LPP: variants seen among roughly 807,000 people sequenced by gnomAD.
LPP encodes LIM domain containing preferred translocation partner in lipoma, also known as lipoma-preferred partner.
Under a neutral mutation model 60.4 loss-of-function variants are expected in LPP, and 38 were observed. That is an observed-to-expected ratio of 0.63 (90% CI 0.49 to 0.83). The LOEUF (loss-of-function observed/expected upper bound fraction) is 0.83. Ranked by LOEUF, LPP falls within the 40% of genes least tolerant of loss-of-function variation. LPP has a pLI of 0.00. For synonymous variants in LPP, 328 were observed against 290.8 expected, an observed-to-expected ratio of 1.13 and a Z score of -1.30; for missense variants, 902 against 783.6, an observed-to-expected ratio of 1.15 and a Z score of -1.80.
intron 6 of LPP, among the ~76,000 whole-genome samples, chr3:188,551,748 T>C (rs1828190639): frequency 6.6e-6 from 1 of 152,200 alleles, no homozygotes; most frequent in Non-Finnish European, 1.5e-5. Context: ...ACGAGTCACT[T>C]TCTGCCATAG....
chr3:188,395,455 C>A (rs1003693323), intron 3 of LPP, among the ~76,000 whole-genome samples: 3 of 151,810 alleles, frequency 2.0e-5, no homozygotes, highest in Non-Finnish European at 2.9e-5. Flanking sequence ...AGGCTGATCT[C>A]GAACTCCAGG....
chr3:188,178,948 G>A, intron 1 of LPP: 1 of 264,836 alleles, frequency 3.8e-6, no homozygotes, highest in Non-Finnish European at 7.6e-6. Context: ...GGTATATTAG[G>A]CCAGAGGTGG....
Position 188,757,889 on chromosome 3 carries a change from G to GTTTTTTTTTTTTTTTT in LPP, c.1241-2219_1241-2204dup, listed in dbSNP as rs750488243. On this transcript the variant is annotated intron_variant, in intron 8 of 11. Transcript: ENST00000617246. ...TTTTTTTTGTGGTTTTGTTTTTTTG[G>GTTTTTTTTTTTTTTTT]TTTTTTTTTTTTTTTTTTTTCAGAA... Among the ~76,000 whole-genome samples, 67 of 78,700 alleles carry GTTTTTTTTTTTTTTTT rather than the reference G, an allele frequency of 8.5e-4. 2 individuals are homozygous for GTTTTTTTTTTTTTTTT. The highest frequency in any genetic ancestry group is 1.1e-3 in the Non-Finnish European group (49 of 43,020). The allele number at this position is 78,700 out of a possible 152,430, so 51.6% of individuals were successfully genotyped here.
intron 3 of LPP, among the ~76,000 whole-genome samples, chr3:188,383,988 A>G (rs1777542178): frequency 6.6e-6 from 1 of 152,154 alleles, no homozygotes; most frequent in South Asian, 2.1e-4. Context: ...ATCAGACCAC[A>G]TTTGTTTTAC....
chr3:188,307,051 A>T (rs958353055), intron 2 of LPP, among the ~76,000 whole-genome samples: 2 of 152,264 alleles, frequency 1.3e-5, no homozygotes, highest in African/African-American at 4.8e-5. Flanking sequence ...ACAGTAAATG[A>T]TGGCAAAACT....
intron 7 of LPP, among the ~76,000 whole-genome samples, chr3:188,616,024 C>A (rs1336633522): frequency 2.0e-5 from 3 of 152,054 alleles, no homozygotes; most frequent in Non-Finnish European, 4.4e-5. Flanking sequence ...AATTTTCTCC[C>A]ATTCTGTAGG....
chr3:188,773,350 G>T (rs974427592), intron 9 of LPP, among the ~76,000 whole-genome samples: 3 of 125,268 alleles, frequency 2.4e-5, no homozygotes, highest in African/African-American at 8.4e-5. Flanking sequence ...GTATTATGTA[G>T]GTCTTCAAAG....
intron 8 of LPP, among the ~76,000 whole-genome samples, chr3:188,753,243 C>G (rs1728669071): frequency 6.6e-6 from 1 of 152,152 alleles, no homozygotes; most frequent in South Asian, 2.1e-4. Context: ...ATGTGAAATG[C>G]TTAGGACAGT....
chr3:188,454,020 A>C (rs6444292), intron 4 of LPP, among the ~76,000 whole-genome samples: 146,022 of 152,330 alleles, frequency 0.96, 70,290 homozygotes, highest in East Asian at 1. Flanking sequence ...ATGTTTTTGA[A>C]TACTTAGCAT....
At chr3:188,261,871 G>A (rs986306907) in intron 2 of LPP, among the ~76,000 whole-genome samples, 2 of 152,136 alleles carry the variant, frequency 1.3e-5, no homozygotes, top group African/African-American at 2.4e-5. Context: ...GAGCTAGAAC[G>A]GTGCCATTGC....
intron 4 of LPP, among the ~76,000 whole-genome samples, chr3:188,409,484 C>G (rs903713791): frequency 1.3e-4 from 20 of 152,196 alleles, no homozygotes; most frequent in Non-Finnish European, 2.8e-4. Flanking sequence ...TCAGTGCATT[C>G]TGTTACTCTG....
At chr3:188,396,011 G>A (rs950643707) in intron 3 of LPP, among the ~76,000 whole-genome samples, 3 of 152,112 alleles carry the variant, frequency 2.0e-5, no homozygotes, top group Admixed American at 1.3e-4. Context: ...ATTTATAGTA[G>A]TTCTGATGTA....
chr3:188,551,279 A>C (rs1366450700), intron 6 of LPP, among the ~76,000 whole-genome samples: 2 of 152,278 alleles, frequency 1.3e-5, no homozygotes, highest in East Asian at 3.9e-4. Context: ...AAACCATCAG[A>C]TCTCATAAGA....
intron 4 of LPP, among the ~76,000 whole-genome samples, chr3:188,474,325 A>G (rs1802598416): frequency 6.8e-6 from 1 of 146,258 alleles, no homozygotes; most frequent in Non-Finnish European, 1.5e-5. Flanking sequence ...CAAAGAGCAG[A>G]ATATTGGCTG....
chr3:188,592,202 G>C (rs1005076946), intron 6 of LPP, among the ~76,000 whole-genome samples: 1 of 152,098 alleles, frequency 6.6e-6, no homozygotes, highest in African/African-American at 2.4e-5. Context: ...CAGATTGACT[G>C]CTTGGTTATC....
intron 7 of LPP, among the ~76,000 whole-genome samples, chr3:188,677,402 T>C (rs779091819): frequency 1.6e-4 from 24 of 152,338 alleles, no homozygotes; most frequent in Admixed American, 3.3e-4. Context: ...ATTTGATTTA[T>C]CTGTGGCTTT....
intron 2 of LPP, among the ~76,000 whole-genome samples, chr3:188,328,125 A>G (rs879427124): frequency 2.5e-4 from 38 of 152,178 alleles, no homozygotes; most frequent in African/African-American, 7.0e-4. Context: ...CTTTGATACT[A>G]TACCAAAACT....
At chr3:188,830,741 C>T (rs978820076) in intron 9 of LPP, among the ~76,000 whole-genome samples, 2 of 152,224 alleles carry the variant, frequency 1.3e-5, no homozygotes, top group Admixed American at 6.5e-5. Context: ...CCACATCTAC[C>T]TATAAAATTC....
At chr3:188,322,531 G>A (rs1193387045) in intron 2 of LPP, among the ~76,000 whole-genome samples, 1 of 152,168 alleles carries the variant, frequency 6.6e-6, no homozygotes, top group Non-Finnish European at 1.5e-5. Flanking sequence ...TGATGGCTTA[G>A]TCGTTCACTC....
Sources: allele counts gnomAD v4.1 joint callset (sites outside exome capture counted in the v4.1 genomes callset), GRCh38; gene constraint gnomAD v4.1.1; transcripts MANE v1.5; gene names NCBI Gene and HGNC (gene_info 2026-07-23, HGNC 2026-07-21).